Variants in FAM241B observed in about 807,000 individuals in gnomAD.
FAM241B encodes protein FAM241B.
A neutral mutation model predicts 9.3 loss-of-function variants in FAM241B; 7 were observed. The ratio of observed to expected loss-of-function variants is 0.75; its 90% CI spans 0.43 to 1.41. The LOEUF is 1.41. Ranked by LOEUF, FAM241B falls within the 40% of genes most tolerant of loss-of-function variation. The pLI is 0.01. For missense variants in FAM241B, 136 were observed against 159.6 expected, an observed-to-expected ratio of 0.85 and a Z score of 0.80; for synonymous variants, 60 against 64.1, an observed-to-expected ratio of 0.94 and a Z score of 0.31.
rs572536264 is a variant in FAM241B at position 69,633,174 on chromosome 10, G to T, written c.*115G>T. On this transcript the variant is annotated 3_prime_UTR_variant, in exon 4 of 4. Transcript: ENST00000373279. ...GCCTTGAAGGTATGATCAGAGAGGG[G>T]ACCACAGGTGTGTGTTTCCCCTTTG... 2 of 1,402,456 alleles carry T rather than the reference G, an allele frequency of 1.4e-6. No homozygotes were observed. The highest frequency in any genetic ancestry group is 2.8e-5 in the African/African-American group (2 of 70,414). 86.9% of individuals were successfully genotyped at this position (1,402,456 alleles called of 1,614,324 possible).
intron 3 of FAM241B, 41 bp from the exon 4 acceptor site, chr10:69,632,749 A>G: frequency 1.9e-6 from 3 of 1,596,846 alleles, no homozygotes; most frequent in African/African-American, 2.7e-5. Flanking sequence ...TGGTGCGTCA[A>G]CCCAATGATT....
In FAM241B at chr10:69,631,741, A is replaced by T; in HGVS notation, c.-3A>T. The T allele has an allele frequency of 6.2e-7, 1 of 1,612,466 alleles. No homozygotes were observed. Among genetic ancestry groups the T allele is most frequent in the South Asian group, 1.1e-5 (1 of 90,262 alleles). On this transcript the variant is annotated 5_prime_UTR_variant, in exon 3 of 4. Coordinates refer to ENST00000373279, the MANE Select transcript of FAM241B (RefSeq NM_145306.3). The stretch of plus-strand genomic sequence containing the variant: ...CCATCAGGGACCCACAGCGCCTGGG[A>T]GGATGGTGCGGATCTTGGCCAATGG...
chr10:69,631,426 A>G, intron 1 of FAM241B, 54 bp from the exon 2 acceptor site: 1 of 1,374,532 alleles, frequency 7.3e-7, no homozygotes, highest in East Asian at 3.5e-5. Context: ...AATGTCTGAA[A>G]TCTTTTTGCC....
At chr10:69,630,787 C>A (rs2133255340) in intron 1 of FAM241B, 2 of 726,536 alleles carry the variant, frequency 2.8e-6, no homozygotes, top group Non-Finnish European at 3.8e-6. Flanking sequence ...CCGCAGCAAC[C>A]CCCTCCCATA....
At chr10:69,632,683 G>C in intron 3 of FAM241B, 107 bp from the exon 4 acceptor site, 1 of 1,292,916 alleles carries the variant, frequency 7.7e-7, no homozygotes, top group Non-Finnish European at 1.1e-6. Flanking sequence ...AGGAGGGTGT[G>C]ACCCTGGGTG....
chr10:69,631,270 A>G (rs1199049829), intron 1 of FAM241B, among the ~76,000 whole-genome samples: 1 of 152,172 alleles, frequency 6.6e-6, no homozygotes, highest in African/African-American at 2.4e-5. Context: ...GTGAGGCTTG[A>G]GTGAGGTGAG....
intron 1 of FAM241B, chr10:69,630,709 G>A: frequency 3.9e-6 from 5 of 1,273,178 alleles, no homozygotes; most frequent in Non-Finnish European, 5.1e-6. Context: ...CCTTTACCCA[G>A]ACTCAAGGGG....
Position 69,632,889 on chromosome 10 carries a change from G to T in FAM241B, c.196G>T (p.Asp66Tyr), listed in dbSNP as rs1839855444. The stretch of plus-strand genomic sequence containing the variant: ...GGGTGCTGCTCAGTCCCCCTTCAAT[G>T]ACCTCAACCGGCAGCTGGTGAACAT... ...RLGAAQSPFNDLNRQLVNMGF... is the reference protein window; with the variant it reads ...RLGAAQSPFNYLNRQLVNMGF... Residue 66 changes from aspartate (D) to tyrosine (Y), a missense_variant, in exon 4 of 4, where the codon GAC becomes TAC. Coordinates refer to ENST00000373279, the MANE Select transcript of FAM241B (RefSeq NM_145306.3). 6.2e-7 allele frequency: 1 copy of T among 1,614,204 alleles called. No individual in the cohort carries two copies. The highest frequency in any genetic ancestry group is 2.2e-5 in the East Asian group (1 of 44,878).
At position 69,633,381 on chromosome 10, in the gene FAM241B, A is replaced by G. The variant is rs1330292953; in HGVS notation, c.*322A>G. ...TTTATGCCGAGAAGATCTCAGCTGGATGCCAACATGTTCCGATGCCTGTGG... is the reference window on the plus strand; with the variant it reads ...TTTATGCCGAGAAGATCTCAGCTGGGTGCCAACATGTTCCGATGCCTGTGG... On this transcript the variant is annotated 3_prime_UTR_variant, in exon 4 of 4. Coordinates refer to ENST00000373279, the MANE Select transcript of FAM241B (RefSeq NM_145306.3). The G allele has an allele frequency of 2.6e-6, 1 of 384,184 alleles. No individual in the cohort carries two copies. Among genetic ancestry groups the G allele is most frequent in the Non-Finnish European group, 4.8e-6 (1 of 209,850 alleles). 23.8% of individuals were successfully genotyped at this position (384,184 alleles called of 1,614,324 possible). A position where few individuals can be genotyped will look rare whatever the true frequency, so the allele number is the denominator to read the frequency against.
intron 1 of FAM241B, chr10:69,630,621 A>T (rs1446454180): frequency 5.4e-6 from 7 of 1,297,284 alleles, no homozygotes; most frequent in Non-Finnish European, 7.1e-6. Flanking sequence ...AGGGCTCCTG[A>T]CCTTTTTCGG....
intron 1 of FAM241B, chr10:69,630,669 C>G: frequency 7.7e-7 from 1 of 1,297,112 alleles, no homozygotes; most frequent in Non-Finnish European, 1.0e-6. Flanking sequence ...TGTAGGTGGA[C>G]ACTGAGGCTC....
At chr10:69,632,474 AAAAAAAG>A (rs1259624228) in intron 3 of FAM241B, among the ~76,000 whole-genome samples, 1 of 151,686 alleles carries the variant, frequency 6.6e-6, no homozygotes, top group Non-Finnish European at 1.5e-5. Flanking sequence ...AAAAAAAAAA[AAAAAAAG>A]AAAGGAGTGA....
In FAM241B at chr10:69,632,937, G is replaced by A. The variant is rs764492900; in HGVS notation, c.244G>A (p.Gly82Ser). The part of the protein sequence containing the change: ...VNMGFPQWHL[G>S]NHAVEPVTSI... ...CATGGGCTTTCCGCAGTGGCATCTTGGCAACCATGCTGTGGAGCCGGTGAC... is the reference window on the plus strand; with the variant it reads ...CATGGGCTTTCCGCAGTGGCATCTTAGCAACCATGCTGTGGAGCCGGTGAC... The change falls in exon 4 of 4, where the codon GGC becomes AGC. Residue 82 changes from glycine to serine, a missense_variant. Physicochemically the swap from Gly to Ser is moderately conservative, Grantham distance 56. Transcript: ENST00000373279. The A allele has an allele frequency of 5.5e-5, 89 of 1,614,098 alleles. No individual in the cohort carries two copies. The highest frequency in any genetic ancestry group is 7.0e-5 in the Non-Finnish European group (83 of 1,179,980).
rs761088839 is a variant in FAM241B, at chr10:69,632,849, G to C, written c.156G>C (p.Gln52His). The change falls in exon 4 of 4, where the codon CAG becomes CAC. Residue 52 changes from glutamine (Q) to histidine (H), a missense_variant. Coordinates refer to ENST00000373279, the MANE Select transcript of FAM241B (RefSeq NM_145306.3). ...PPGGPGPRQQ[Q>H]AGARLGAAQS... is the part of the protein sequence containing the mutation. Reference sequence around the variant, plus strand: ...GGGGTCCTGGCCCCCGCCAGCAGCAGGCAGGTGCCAGGCTGGGTGCTGCTC... The same window carrying C: ...GGGGTCCTGGCCCCCGCCAGCAGCACGCAGGTGCCAGGCTGGGTGCTGCTC... 6 of 1,614,240 alleles carry C rather than the reference G, an allele frequency of 3.7e-6. No homozygotes were observed. Among genetic ancestry groups the C allele is most frequent in the Non-Finnish European group, 5.1e-6 (6 of 1,180,044 alleles).
chr10:69,630,743 C>T, intron 1 of FAM241B: 1 of 1,149,392 alleles, frequency 8.7e-7, no homozygotes, highest in East Asian at 6.7e-5. Flanking sequence ...CCCCGCAGTC[C>T]AGGGGTCCGC....
At chr10:69,631,344 G>A in intron 1 of FAM241B, 136 bp from the exon 2 acceptor site, 1 of 621,154 alleles carries the variant, frequency 1.6e-6, no homozygotes, top group South Asian at 1.8e-5. Flanking sequence ...CAGTTGTGCT[G>A]TTGGCAGTGT....
intron 1 of FAM241B, chr10:69,630,785 A>T (rs1030214214): frequency 4.1e-6 from 3 of 725,252 alleles, no homozygotes; most frequent in Non-Finnish European, 5.7e-6. Flanking sequence ...CACCGCAGCA[A>T]CCCCCTCCCA....
chr10:69,632,212 G>A (rs1839838158), intron 3 of FAM241B, among the ~76,000 whole-genome samples: 3 of 152,168 alleles, frequency 2.0e-5, no homozygotes, highest in Admixed American at 2.0e-4. Context: ...TGTAATCCCA[G>A]CACTTTGGGA....
At chr10:69,632,645 T>C (rs1839848986) in intron 3 of FAM241B, 145 bp from the exon 4 acceptor site, 1 of 880,196 alleles carries the variant, frequency 1.1e-6, no homozygotes, top group Non-Finnish European at 1.7e-6. Flanking sequence ...TTGGGATTCT[T>C]ATGGGTGGCA....
Sources: gnomAD v4.1 joint callset for allele counts (sites outside exome capture counted in the v4.1 genomes callset) on GRCh38, gnomAD v4.1.1 for gene constraint, MANE v1.5 for transcripts, NCBI Gene and HGNC (gene_info 2026-07-23, HGNC 2026-07-21) for gene names.